PTPRD: variants seen among roughly 807,000 people sequenced by gnomAD.
PTPRD encodes protein tyrosine phosphatase receptor type D.
A neutral mutation model predicts 214.5 loss-of-function variants in PTPRD; 34 were observed. That is an observed-to-expected ratio of 0.16 (90% CI 0.12 to 0.21). The LOEUF (loss-of-function observed/expected upper bound fraction) is 0.21, where lower values mean the gene tolerates loss of function less well. Ranked by LOEUF, PTPRD falls within the 10% of genes least tolerant of loss-of-function variation. PTPRD has a pLI of 1.00. For synonymous variants in PTPRD, 1,128 were observed against 845.7 expected, an observed-to-expected ratio of 1.33 and a Z score of -5.79; for missense variants, 2,545 against 2,398.7, an observed-to-expected ratio of 1.06 and a Z score of -1.27.
intron 5 of PTPRD, among the ~76,000 whole-genome samples, chr9:9,769,751 C>G (rs1245220022): frequency 6.6e-6 from 1 of 152,000 alleles, no homozygotes; most frequent in Non-Finnish European, 1.5e-5. Flanking sequence ...TAATGCTATC[C>G]CTCCCCTAGC....
chr9:8,341,014 A>C lies in PTPRD; in HGVS notation c.5126+76T>G, dbSNP rs557795362. The C allele has an allele frequency of 2.9e-6, 4 of 1,376,778 alleles. No homozygotes were observed. The East Asian group carries it at 9.7e-5, about 34-fold the overall frequency. 85.3% of individuals were successfully genotyped at this position (1,376,778 alleles called of 1,614,324 possible). A position where few individuals can be genotyped will look rare whatever the true frequency, so the allele number is the denominator to read the frequency against. ...AGAAAATGTCTTTGAATGGAGATGA[A>C]ATTTATTCTGGTTATTAAACTAGGG... On this transcript the variant is annotated intron_variant, in intron 41 of 45. Coordinates refer to ENST00000381196, the MANE Select transcript of PTPRD (RefSeq NM_002839.4).
At chr9:8,427,217 T>C (rs2094738112) in intron 35 of PTPRD, among the ~76,000 whole-genome samples, 1 of 152,162 alleles carries the variant, frequency 6.6e-6, no homozygotes, top group Non-Finnish European at 1.5e-5. Flanking sequence ...TGCATTAAAA[T>C]GTAATCACTT....
At chr9:10,208,157 T>C (rs1466965093) in intron 3 of PTPRD, among the ~76,000 whole-genome samples, 2 of 152,222 alleles carry the variant, frequency 1.3e-5, no homozygotes, top group Non-Finnish European at 2.9e-5. Flanking sequence ...TGGGAAACAC[T>C]TGTGTTACCT....
intron 11 of PTPRD, among the ~76,000 whole-genome samples, chr9:8,850,394 C>T (rs2097787679): frequency 6.6e-6 from 1 of 151,728 alleles, no homozygotes; most frequent in Admixed American, 6.6e-5. Context: ...ACATAGATGC[C>T]AAACATCAAA....
intron 39 of PTPRD, among the ~76,000 whole-genome samples, chr9:8,353,103 C>A (rs1045697420): frequency 1.2e-4 from 19 of 152,214 alleles, no homozygotes; most frequent in African/African-American, 4.6e-4. Context: ...GAACAAGACT[C>A]CGTCTCAAAA....
chr9:8,722,147 G>GTA (rs2098506973), intron 12 of PTPRD, among the ~76,000 whole-genome samples: 1 of 137,756 alleles, frequency 7.3e-6, no homozygotes, highest in Admixed American at 6.8e-5. Context: ...GTGTGTGTGT[G>GTA]TGTGTGTGTG....
intron 35 of PTPRD, among the ~76,000 whole-genome samples, chr9:8,410,543 T>A (rs1393472736): frequency 6.6e-6 from 1 of 151,980 alleles, no homozygotes; most frequent in Non-Finnish European, 1.5e-5. Flanking sequence ...AACATTAGAG[T>A]GTGAAGGATT....
intron 5 of PTPRD, among the ~76,000 whole-genome samples, chr9:9,831,782 G>A (rs1599062729): frequency 6.6e-6 from 1 of 151,896 alleles, no homozygotes; most frequent in Admixed American, 6.6e-5. Context: ...GGCTTCTAAT[G>A]TTATTTCACC....
At chr9:10,015,936 C>G (rs2154112805) in intron 4 of PTPRD, among the ~76,000 whole-genome samples, 2 of 152,274 alleles carry the variant, frequency 1.3e-5, no homozygotes, top group South Asian at 4.1e-4. Context: ...CCATAAACCT[C>G]TCTCTCTAAT....
intron 2 of PTPRD, among the ~76,000 whole-genome samples, chr9:10,484,266 G>A (rs185603642): frequency 1.3e-5 from 2 of 152,174 alleles, no homozygotes; most frequent in Admixed American, 1.3e-4. Flanking sequence ...GTCAGACAGA[G>A]TAGTACAATG....
intron 34 of PTPRD, among the ~76,000 whole-genome samples, chr9:8,440,007 G>A (rs2095494716): frequency 7.7e-6 from 1 of 129,196 alleles, no homozygotes; most frequent in East Asian, 2.3e-4. Flanking sequence ...GTCTGTGGAT[G>A]TGGGAGCTAT....
chr9:9,571,587 A>T (rs952897427), intron 8 of PTPRD, among the ~76,000 whole-genome samples: 1 of 151,218 alleles, frequency 6.6e-6, no homozygotes, highest in African/African-American at 2.4e-5. Context: ...TAATAATATC[A>T]TATGGAAATA....
chr9:10,106,755 G>C (rs1368435143), intron 3 of PTPRD, among the ~76,000 whole-genome samples: 1 of 151,794 alleles, frequency 6.6e-6, no homozygotes, highest in East Asian at 1.9e-4. Context: ...AATAGACATA[G>C]AAAAAAAGCA....
intron 7 of PTPRD, among the ~76,000 whole-genome samples, chr9:9,599,743 A>G (rs1400125936): frequency 6.6e-6 from 1 of 152,058 alleles, no homozygotes; most frequent in Non-Finnish European, 1.5e-5. Context: ...ATTTAAAAAC[A>G]CTGGCACATC....
At chr9:9,596,133 A>C (rs1221166363) in intron 7 of PTPRD, among the ~76,000 whole-genome samples, 1 of 151,924 alleles carries the variant, frequency 6.6e-6, no homozygotes. Context: ...CCATGGATAC[A>C]CTATTTATCA....
chr9:9,683,336 C>A (rs2097109603), intron 7 of PTPRD, among the ~76,000 whole-genome samples: 1 of 151,668 alleles, frequency 6.6e-6, no homozygotes, highest in Non-Finnish European at 1.5e-5. Flanking sequence ...CATAGGGAGT[C>A]TACTGGCATC....
intron 14 of PTPRD, among the ~76,000 whole-genome samples, chr9:8,612,034 A>T (rs897163369): frequency 1.6e-4 from 24 of 151,974 alleles, no homozygotes; most frequent in Non-Finnish European, 3.2e-4. Context: ...AGCATTCATT[A>T]TAACTTCCAG....
rs3955140 is a variant in PTPRD at position 10,190,529 on chromosome 9, C to A, written c.-545+150434G>T. Reference sequence around the variant, plus strand: ...GGTCAGGAGTTCAAGACTAGCCTGGCCAACATGGCGAAACCCCATCTCTAC... The same window carrying A: ...GGTCAGGAGTTCAAGACTAGCCTGGACAACATGGCGAAACCCCATCTCTAC... On this transcript the variant is annotated intron_variant, in intron 3 of 45. Transcript: ENST00000381196. Among the ~76,000 whole-genome samples, 192 of 150,360 alleles carry A rather than the reference C, an allele frequency of 1.3e-3. 6 individuals carry two copies. In the South Asian group the frequency reaches 0.038, roughly 29 times the overall value.
At chr9:8,506,657 C>A (rs2097548242) in intron 22 of PTPRD, among the ~76,000 whole-genome samples, 2 of 150,500 alleles carry the variant, frequency 1.3e-5, no homozygotes, top group Non-Finnish European at 3.0e-5. Flanking sequence ...AAATTACATG[C>A]ATTATTGATG....
Sources: allele counts gnomAD v4.1 joint callset (sites outside exome capture counted in the v4.1 genomes callset), GRCh38; gene constraint gnomAD v4.1.1; transcripts MANE v1.5; gene names NCBI Gene and HGNC (gene_info 2026-07-23, HGNC 2026-07-21).